Variants in MGST1 observed in about 807,000 individuals in gnomAD.
MGST1 encodes glutathione S-transferase 12.
In MGST1, 5 loss-of-function variants were observed where a neutral mutation model predicts 8.9. That is an observed-to-expected ratio of 0.56 (90% CI 0.29 to 1.19). The LOEUF (loss-of-function observed/expected upper bound fraction) is 1.19. Ranked by LOEUF, MGST1 falls within the 50% of genes most tolerant of loss-of-function variation. The pLI is 0.08. For synonymous variants in MGST1, 54 were observed against 67.8 expected, an observed-to-expected ratio of 0.80 and a Z score of 1.00; for missense variants, 182 against 187.4, an observed-to-expected ratio of 0.97 and a Z score of 0.17.
intron 1 of MGST1, among the ~76,000 whole-genome samples, chr12:16,418,695 T>C (rs1341439456): frequency 6.6e-6 from 1 of 152,152 alleles, no homozygotes; most frequent in Non-Finnish European, 1.5e-5. Flanking sequence ...ACTTGATATA[T>C]GTAGACAAAT....
At chr12:16,411,331 A>G (rs1369692061) in intron 1 of MGST1, among the ~76,000 whole-genome samples, 1 of 152,204 alleles carries the variant, frequency 6.6e-6, no homozygotes, top group Non-Finnish European at 1.5e-5. Flanking sequence ...AGGTAAAGGA[A>G]CGCAATGTTG....
chr12:16,397,985 A>G (rs1940620755), intron 1 of MGST1, among the ~76,000 whole-genome samples: 1 of 151,712 alleles, frequency 6.6e-6, no homozygotes, highest in African/African-American at 2.4e-5. Context: ...GAGTCTTCTA[A>G]TTCATGATCA....
At chr12:16,372,877 T>C (rs898603614) in intron 3 of MGST1, among the ~76,000 whole-genome samples, 2 of 138,576 alleles carry the variant, frequency 1.4e-5, no homozygotes, top group Non-Finnish European at 3.2e-5. Flanking sequence ...TTAGATTATA[T>C]ATTACATATT....
downstream of MGST1, among the ~76,000 whole-genome samples, chr12:16,443,351 C>T (rs570641527): frequency 1.8e-4 from 27 of 151,868 alleles, no homozygotes; most frequent in African/African-American, 5.5e-4. Flanking sequence ...AATGTAATTA[C>T]GACATAGTTA....
At chr12:16,459,842 C>A (rs1308697572) in intron 4 of MGST1, among the ~76,000 whole-genome samples, 1 of 152,082 alleles carries the variant, frequency 6.6e-6, no homozygotes, top group African/African-American at 2.4e-5. Flanking sequence ...GATTGCATGT[C>A]TCTCCTTATG....
intron 1 of MGST1, among the ~76,000 whole-genome samples, chr12:16,411,378 A>T (rs540428806): frequency 2.0e-5 from 3 of 152,334 alleles, no homozygotes; most frequent in East Asian, 3.9e-4. Flanking sequence ...AATCCTCTAT[A>T]GAGAGTTACC....
intron 4 of MGST1, among the ~76,000 whole-genome samples, chr12:16,479,030 T>C (rs1026780042): frequency 2.0e-5 from 3 of 152,094 alleles, no homozygotes; most frequent in African/African-American, 7.2e-5. Flanking sequence ...CCGTTCTGGG[T>C]ATTTCATATA....
chr12:16,569,714 T>A (rs1034420837), intron 4 of MGST1, among the ~76,000 whole-genome samples: 6 of 152,174 alleles, frequency 3.9e-5, no homozygotes, highest in Non-Finnish European at 8.8e-5. Flanking sequence ...ATAAAAGAAA[T>A]GTGTCAAGCT....
intron 1 of MGST1, among the ~76,000 whole-genome samples, chr12:16,416,942 G>A (rs2137080057): frequency 6.6e-6 from 1 of 152,154 alleles, no homozygotes. Context: ...AGCATGCATT[G>A]GAAGTATCAC....
intron 1 of MGST1, among the ~76,000 whole-genome samples, chr12:16,425,106 G>T (rs1328668895): frequency 6.6e-6 from 1 of 152,088 alleles, no homozygotes; most frequent in Non-Finnish European, 1.5e-5. Flanking sequence ...GGAACCCAGG[G>T]TTAGAATGAA....
intron 4 of MGST1, among the ~76,000 whole-genome samples, chr12:16,519,546 C>T (rs571360529): frequency 6.6e-6 from 1 of 152,278 alleles, no homozygotes; most frequent in East Asian, 1.9e-4. Flanking sequence ...AGTTGCTCTC[C>T]AATCAGATAT....
chr12:16,578,995 T>C (rs912574190), intron 4 of MGST1, among the ~76,000 whole-genome samples: 5 of 152,208 alleles, frequency 3.3e-5, no homozygotes, highest in African/African-American at 4.8e-5. Flanking sequence ...TAAGGTCTAG[T>C]ATATTACATT....
rs1264984935 is a variant in MGST1, at chr12:16,586,312, A to T, written n.483-3216A>T. On this transcript the variant is annotated intron_variant and non_coding_transcript_variant, in intron 4 of 4. Coordinates refer to the MGST1 transcript ENST00000538857. The surrounding 1 kb of genome is among the most constrained non-coding windows in gnomAD (Gnocchi z 4.3). ...AAGATGTCATGATACGATGAAGTCC[A>T]CATACGGAACAACTAAGAAACAACT... Among the ~76,000 whole-genome samples, 3 of 152,230 alleles carry T rather than the reference A, an allele frequency of 2.0e-5. No individual in the cohort carries two copies. Among genetic ancestry groups the T allele is most frequent in the Admixed American group, 1.3e-4 (2 of 15,274 alleles).
At chr12:16,377,139 G>C (rs549376608) in exon 4 of MGST1, 17 of 151,776 alleles carry the variant, frequency 1.1e-4, no homozygotes, top group African/African-American at 4.1e-4. Flanking sequence ...TTTTTTGTGT[G>C]CGTGTGTTTT....
chr12:16,470,597 T>G (rs535889276), intron 4 of MGST1, among the ~76,000 whole-genome samples: 59 of 152,296 alleles, frequency 3.9e-4, no homozygotes, highest in South Asian at 6.2e-4. Context: ...TGAGTAACTT[T>G]TATGTCTTGT....
chr12:16,515,635 AAAAAAAAAAAAG>A (rs1241536893), intron 4 of MGST1, among the ~76,000 whole-genome samples: 36 of 148,578 alleles, frequency 2.4e-4, no homozygotes, highest in Admixed American at 3.3e-4. Flanking sequence ...TATCTCAGAA[AAAAAAAAAAAAG>A]AAAAAAAAAA....
downstream of MGST1, among the ~76,000 whole-genome samples, chr12:16,590,438 C>G (rs543556011): frequency 5.3e-5 from 8 of 152,000 alleles, no homozygotes; most frequent in East Asian, 7.7e-4. Flanking sequence ...TATTATTTTA[C>G]ATGTTTTGTA....
chr12:16,436,816 C>T (rs1299473470), intron 1 of MGST1, among the ~76,000 whole-genome samples: 2 of 151,978 alleles, frequency 1.3e-5, no homozygotes, highest in Non-Finnish European at 2.9e-5. Context: ...TGAAGCAGGA[C>T]TTAATCCCAG....
chr12:16,466,697 C>T (rs1343931684), intron 4 of MGST1, among the ~76,000 whole-genome samples: 6 of 152,152 alleles, frequency 3.9e-5, no homozygotes, highest in African/African-American at 9.7e-5. Context: ...CAGTGAGATA[C>T]ATTTTTCCTC....
Sources: allele counts gnomAD v4.1 joint callset (sites outside exome capture counted in the v4.1 genomes callset), GRCh38; gene constraint gnomAD v4.1.1; non-coding constraint Gnocchi (gnomAD v3.1); transcripts MANE v1.5; gene names NCBI Gene and HGNC (gene_info 2026-07-23, HGNC 2026-07-21).